The following ESAM variants were observed in gnomAD, a reference collection of about 807,000 sequenced individuals.
ESAM encodes endothelial cell adhesion molecule, also known as endothelial cell-selective adhesion molecule.
In ESAM, 23 loss-of-function variants were observed where a neutral mutation model predicts 31.8. That is an observed-to-expected ratio of 0.72 (90% CI 0.52 to 1.03). The LOEUF is 1.03. Ranked by LOEUF, ESAM falls within the 50% of genes least tolerant of loss-of-function variation. The probability of loss-of-function intolerance (pLI) is 0.00; values close to 1 mark genes in which losing one functional copy is unlikely to be tolerated. For synonymous variants in ESAM, 216 were observed against 207.2 expected (o/e 1.04, Z -0.37); for missense variants, 478 against 488.9 (o/e 0.98, Z 0.21).
chr11:124,762,176 A>G lies in ESAM; in HGVS notation c.-22T>C. 1 of 1,589,976 alleles carries G rather than the reference A, an allele frequency of 6.3e-7. No homozygotes were observed. Among genetic ancestry groups the G allele is most frequent in the Admixed American group, 1.7e-5 (1 of 57,474 alleles). On this transcript the variant is annotated 5_prime_UTR_variant, in exon 1 of 7. Coordinates refer to ENST00000278927, the MANE Select transcript of ESAM (RefSeq NM_138961.3). This position sits in a 1 kb window ranked among gnomAD's most constrained non-coding sequence, Gnocchi z 6.4. ...TCATGGCCCTCCCTGGCCGGGACGG[A>G]GTCAGGGGCGCCAGCCGCGGGACGC...
At chr11:124,760,154 C>T (rs892064938) in intron 1 of ESAM, among the ~76,000 whole-genome samples, 4 of 152,248 alleles carry the variant, frequency 2.6e-5, no homozygotes, top group Non-Finnish European at 5.9e-5. Context: ...TGGGCACATG[C>T]TCCTTGCCCT....
In ESAM at chr11:124,753,634, G is replaced by A. The variant is rs1241793979; in HGVS notation, c.*12C>T. 2 of 1,613,248 alleles carry A rather than the reference G, an allele frequency of 1.2e-6. No individual in the cohort carries two copies. Among genetic ancestry groups the A allele is most frequent in the Admixed American group, 1.7e-5 (1 of 60,030 alleles). On this transcript the variant is annotated 3_prime_UTR_variant, in exon 7 of 7. Transcript: ENST00000278927. ...AGACCCCAAATCCTTTAGCCAATGA[G>A]TGGTGGGGTCATCATACCAGAGAGC...
At position 124,761,934 on chromosome 11, in the gene ESAM, AGCCAGTGAT is replaced by A. The variant is rs1284687426; in HGVS notation, c.70+142_70+150del. Reference sequence around the variant, plus strand: ...CCCGACAAAGCGAGAAGTCAGCGCCAGCCAGTGATGCCCTGGAGTGGGATTAGGAGGTCA... The same window carrying A: ...CCCGACAAAGCGAGAAGTCAGCGCCAGCCCTGGAGTGGGATTAGGAGGTCA... On this transcript the variant is annotated intron_variant, in intron 1 of 6. Transcript: ENST00000278927. 6 of 719,678 alleles carry A rather than the reference AGCCAGTGAT, an allele frequency of 8.3e-6. No homozygotes were observed. In the African/African-American group the frequency reaches 1.1e-4, roughly 13 times the overall value. 44.6% of individuals were successfully genotyped at this position (719,678 alleles called of 1,614,324 possible).
At chr11:124,756,787 A>G (rs1470417310) in intron 2 of ESAM, 45 bp from the exon 3 acceptor site, 3 of 1,565,234 alleles carry the variant, frequency 1.9e-6, no homozygotes, top group African/African-American at 2.7e-5. Context: ...ACATGTGTCT[A>G]CTGTGCCTAC....
At chr11:124,756,892 T>G in intron 2 of ESAM, 150 bp from the exon 3 acceptor site, 1 of 788,430 alleles carries the variant, frequency 1.3e-6, no homozygotes, top group Non-Finnish European at 2.1e-6. Context: ...CATTCACCTT[T>G]TGTCCCTAGC....
intron 1 of ESAM, 31 bp from the exon 2 acceptor site, chr11:124,758,558 G>T (rs1201809396): frequency 6.8e-7 from 1 of 1,480,144 alleles, no homozygotes; most frequent in Non-Finnish European, 9.0e-7. Flanking sequence ...TGAGTGCCCA[G>T]GACCGGCTCC....
chr11:124,759,260 G>C lies in ESAM; in HGVS notation c.71-733C>G, dbSNP rs1944197212. 6.6e-6 allele frequency: 1 copy of C among 152,312 alleles called. No individual in the cohort carries two copies. Among genetic ancestry groups the C allele is most frequent in the Admixed American group, 6.5e-5 (1 of 15,286 alleles). 9.4% of individuals were successfully genotyped at this position (152,312 alleles called of 1,614,324 possible). A position where few individuals can be genotyped will look rare whatever the true frequency, so the allele number is the denominator to read the frequency against. ...AGGAATTAAGGGCAGCGCGAACGAC[G>C]GTCTCTAGACAAGTATGAAGCCTCC... On this transcript the variant is annotated intron_variant, in intron 1 of 6. Transcript: ENST00000278927. This position sits in a 1 kb window ranked among gnomAD's most constrained non-coding sequence, Gnocchi z 6.8.
chr11:124,755,064 G>A (rs906075585), intron 4 of ESAM, among the ~76,000 whole-genome samples: 1 of 152,184 alleles, frequency 6.6e-6, no homozygotes, highest in African/African-American at 2.4e-5. Context: ...GCAAGACAGT[G>A]TGATGAGAGA....
chr11:124,756,529 C>T lies in ESAM; in HGVS notation c.451+12G>A. The T allele has an allele frequency of 6.2e-7, 1 of 1,612,894 alleles. No homozygotes were observed. Among genetic ancestry groups the T allele is most frequent in the Admixed American group, 1.7e-5 (1 of 60,014 alleles). ...AGGTGGGGAGGGGTCCGGAAATCTG[C>T]TTCTCACTCACCCAGTACATTGAGT... On this transcript the variant is annotated intron_variant, in intron 3 of 6. Coordinates refer to ENST00000278927, the MANE Select transcript of ESAM (RefSeq NM_138961.3).
chr11:124,758,493 C>G lies in ESAM; in HGVS notation c.105G>C (p.Leu35Phe). The G allele has an allele frequency of 6.2e-7, 1 of 1,604,034 alleles. No individual in the cohort carries two copies. Among genetic ancestry groups the G allele is most frequent in the Non-Finnish European group, 8.5e-7 (1 of 1,175,030 alleles). ...CCACCGCCTGCAACCGGTTGGCGGGCAAGTGCAGTTGCAGCTGGGCCCGCG... is the reference window on the plus strand; with the variant it reads ...CCACCGCCTGCAACCGGTTGGCGGGGAAGTGCAGTTGCAGCTGGGCCCGCG... ...PPSRAQLQLH[L>F]PANRLQAVEG... Residue 35 changes from leucine to phenylalanine, a missense_variant, in exon 2 of 7, where the codon TTG becomes TTC. Coordinates refer to ENST00000278927, the MANE Select transcript of ESAM (RefSeq NM_138961.3).
chr11:124,760,574 C>T (rs904802153), intron 1 of ESAM, among the ~76,000 whole-genome samples: 4 of 152,256 alleles, frequency 2.6e-5, no homozygotes, highest in Admixed American at 6.5e-5. Flanking sequence ...CGGAGCCGGG[C>T]GCCTGCACGT....
rs1214025185 is a variant in ESAM at position 124,754,311 on chromosome 11, C to G, written c.760G>C (p.Val254Leu). The change falls in exon 6 of 7, where the codon GTT becomes CTT. Residue 254 changes from valine to leucine, a missense_variant. Coordinates refer to ENST00000278927, the MANE Select transcript of ESAM (RefSeq NM_138961.3). The surrounding 1 kb of genome is among the most constrained non-coding windows in gnomAD (Gnocchi z 4.5). ...GPGAAVVAGA[V>L]VGTLVGLGLL... ...CCCAGTCCAACCAGGGTACCCACAA[C>G]AGCTCCAGCAACCACTGCAGCTCCA... The G allele has an allele frequency of 2.5e-6, 4 of 1,614,174 alleles. No homozygotes were observed. The Admixed American group carries it at 6.7e-5, about 27-fold the overall frequency.
intron 2 of ESAM, among the ~76,000 whole-genome samples, 191 bp downstream of exon 2, chr11:124,758,158 C>T (rs1473784545): frequency 6.6e-6 from 1 of 152,112 alleles, no homozygotes; most frequent in Non-Finnish European, 1.5e-5. Flanking sequence ...TAGGGAAAGC[C>T]GGCAAAAGAT....
chr11:124,761,864 T>C (rs922444133), intron 1 of ESAM, among the ~76,000 whole-genome samples: 1 of 151,822 alleles, frequency 6.6e-6, no homozygotes, highest in Non-Finnish European at 1.5e-5. Context: ...GAGATGCCCT[T>C]ACCTCCCCCC....
Position 124,754,615 on chromosome 11 carries a change from C to G in ESAM, c.730+26G>C, listed in dbSNP as rs944000690. On this transcript the variant is annotated intron_variant, in intron 5 of 6. Transcript: ENST00000278927. The surrounding 1 kb of genome is among the most constrained non-coding windows in gnomAD (Gnocchi z 4.5). Reference sequence around the variant, plus strand: ...CCCTCCCCCACCATTGACCACTCTTCTTAACCACACTTACCCCTCACTGAC... The same window carrying G: ...CCCTCCCCCACCATTGACCACTCTTGTTAACCACACTTACCCCTCACTGAC... 5.6e-6 allele frequency: 9 copies of G among 1,602,050 alleles called. No homozygotes were observed. Among genetic ancestry groups the G allele is most frequent in the African/African-American group, 1.3e-5 (1 of 74,654 alleles).
Position 124,758,459 on chromosome 11 carries a change from C to T in ESAM, c.139G>A (p.Glu47Lys), listed in dbSNP as rs377022389. Reference protein sequence around the residue: ...ANRLQAVEGGEVVLPAWYTLH... With the variant: ...ANRLQAVEGGKVVLPAWYTLH... The stretch of plus-strand genomic sequence containing the variant: ...GTGTACCACGCTGGAAGCACCACTT[C>T]CCCTCCCTCCACCGCCTGCAACCGG... Residue 47 changes from glutamate (E) to lysine (K), a missense_variant, in exon 2 of 7, where the codon GAA (glutamate) becomes AAA (lysine). Coordinates refer to ENST00000278927, the MANE Select transcript of ESAM (RefSeq NM_138961.3). 1 of 1,613,286 alleles carries T rather than the reference C, an allele frequency of 6.2e-7. No homozygotes were observed. The highest frequency in any genetic ancestry group is 8.5e-7 in the Non-Finnish European group (1 of 1,179,604).
Position 124,762,091 on chromosome 11 carries a change from C to T in ESAM, c.64G>A (p.Ala22Thr), listed in dbSNP as rs751644660. ...LLRFLFLGLS[A>T]LAPPSRAQLQ... Reference sequence around the variant, plus strand: ...AGGTCCGGGTTTCACTCACCGAGGGCACTCAGCCCCAGGAACAAAAACCGC... The same window carrying T: ...AGGTCCGGGTTTCACTCACCGAGGGTACTCAGCCCCAGGAACAAAAACCGC... Residue 22 changes from alanine to threonine, a missense_variant, in exon 1 of 7, where the codon GCC becomes ACC. By Grantham distance (58) the Ala-to-Thr change is moderately conservative. Coordinates refer to ENST00000278927, the MANE Select transcript of ESAM (RefSeq NM_138961.3). This position sits in a 1 kb window ranked among gnomAD's most constrained non-coding sequence, Gnocchi z 6.4. 2 of 1,610,954 alleles carry T rather than the reference C, an allele frequency of 1.2e-6. No homozygotes were observed. Among genetic ancestry groups the T allele is most frequent in the Non-Finnish European group, 1.7e-6 (2 of 1,178,606 alleles).
chr11:124,757,693 CTTTTTTTTT>C (rs5795429), intron 2 of ESAM, among the ~76,000 whole-genome samples: 1 of 125,002 alleles, frequency 8.0e-6, no homozygotes, highest in Middle Eastern at 4.3e-3. Flanking sequence ...AATATGCTAA[CTTTTTTTTT>C]TTTTTTTTTT....
chr11:124,758,739 C>T (rs971026177), intron 1 of ESAM, among the ~76,000 whole-genome samples: 3 of 152,216 alleles, frequency 2.0e-5, no homozygotes, highest in African/African-American at 7.2e-5. Context: ...CTCTCCACCG[C>T]CAGCCTCTGC....
Sources: gnomAD v4.1 joint callset for allele counts (sites outside exome capture counted in the v4.1 genomes callset) on GRCh38, gnomAD v4.1.1 for gene constraint, Gnocchi (gnomAD v3.1) non-coding constraint, MANE v1.5 for transcripts, NCBI Gene and HGNC (gene_info 2026-07-23, HGNC 2026-07-21) for gene names.